The following FBXW10B variants were observed in gnomAD, a reference collection of about 807,000 sequenced individuals.
FBXW10B encodes the protein F-box and WD repeat domain containing 10B.
the FBXW10B span, chr17:15,605,228 A>AC: frequency 1.3e-6 from 2 of 1,593,408 alleles, no homozygotes; most frequent in Non-Finnish European, 1.7e-6. Context: ...CTCACCTGAT[A>AC]CTTAGGTCAT....
the FBXW10B span, among the ~76,000 whole-genome samples, chr17:15,588,189 G>C: frequency 6.6e-6 from 1 of 152,232 alleles, no homozygotes; most frequent in Non-Finnish European, 1.5e-5. Context: ...GTGTCCATAA[G>C]TCACGTTACG....
chr17:15,577,132 G>A, the FBXW10B span, among the ~76,000 whole-genome samples: 1 of 151,434 alleles, frequency 6.6e-6, no homozygotes, highest in South Asian at 2.1e-4. Flanking sequence ...TATTGCTAAT[G>A]TAATAAGAAC....
chr17:15,609,088 C>T, the FBXW10B span, among the ~76,000 whole-genome samples: 1 of 147,544 alleles, frequency 6.8e-6, no homozygotes, highest in South Asian at 2.3e-4. Context: ...CATTTATATT[C>T]CCTGCCATAT....
chr17:15,607,629 T>C, the FBXW10B span: 1 of 1,613,798 alleles, frequency 6.2e-7, no homozygotes, highest in South Asian at 1.1e-5. Flanking sequence ...CTCTCCTCCA[T>C]CAGGACCTGC....
chr17:15,595,817 G>C, the FBXW10B span, among the ~76,000 whole-genome samples: 2 of 151,894 alleles, frequency 1.3e-5, no homozygotes, highest in African/African-American at 4.8e-5. Flanking sequence ...CTCTTCATTA[G>C]AGAGCATGGA....
the FBXW10B span, among the ~76,000 whole-genome samples, chr17:15,575,566 C>G: frequency 4.7e-5 from 7 of 147,500 alleles, no homozygotes; most frequent in Non-Finnish European, 7.3e-5. Flanking sequence ...TTTCTCTGTA[C>G]TTTCACTGCA....
the FBXW10B span, among the ~76,000 whole-genome samples, chr17:15,567,097 C>G: frequency 6.6e-6 from 1 of 150,876 alleles, no homozygotes; most frequent in Admixed American, 6.6e-5. Flanking sequence ...CGGTGAAACC[C>G]CGCCTCTACT....
At chr17:15,612,827 GA>G in the FBXW10B span, 1 of 1,593,996 alleles carries the variant, frequency 6.3e-7, no homozygotes, top group South Asian at 1.1e-5. Context: ...AGGACCCCTG[GA>G]AAAACAAAAA....
the FBXW10B span, chr17:15,615,559 T>G: frequency 6.4e-7 from 1 of 1,569,164 alleles, no homozygotes; most frequent in Non-Finnish European, 8.7e-7. Flanking sequence ...ATGATCTGCT[T>G]GCCTCGGCCT....
chr17:15,569,687 G>A, the FBXW10B span, among the ~76,000 whole-genome samples: 6 of 151,302 alleles, frequency 4.0e-5, no homozygotes, highest in Non-Finnish European at 7.4e-5. Flanking sequence ...CTCCTGCCTC[G>A]GCCTCCTAAA....
the FBXW10B span, among the ~76,000 whole-genome samples, chr17:15,590,354 T>G: frequency 5.7e-4 from 85 of 148,342 alleles, no homozygotes; most frequent in Non-Finnish European, 6.5e-4. Flanking sequence ...AGATTTTGTT[T>G]GGTTTGTAAG....
chr17:15,612,789 G>A, the FBXW10B span: 1 of 1,613,570 alleles, frequency 6.2e-7, no homozygotes, highest in African/African-American at 1.3e-5. Flanking sequence ...AACCTTATTG[G>A]CATAATTAGG....
At chr17:15,589,419 T>C in the FBXW10B span, 4 of 273,242 alleles carry the variant, frequency 1.5e-5, no homozygotes, top group African/African-American at 9.2e-5. Flanking sequence ...AACGAATTCA[T>C]GGGGCGGGGA....
the FBXW10B span, among the ~76,000 whole-genome samples, chr17:15,582,434 A>T: frequency 7.4e-6 from 1 of 134,906 alleles, no homozygotes; most frequent in East Asian, 1.9e-4. Flanking sequence ...TATAACCATG[A>T]TATTTAAAGA....
chr17:15,607,596 T>C, the FBXW10B span: 1 of 1,613,766 alleles, frequency 6.2e-7, no homozygotes, highest in Non-Finnish European at 8.5e-7. Context: ...ATGCGAACAT[T>C]GTAGGTCCCA....
At chr17:15,593,591 A>G in the FBXW10B span, 6 of 1,455,106 alleles carry the variant, frequency 4.1e-6, no homozygotes, top group Non-Finnish European at 5.5e-6. Flanking sequence ...ATTGAGCGGC[A>G]CTGGCCATAA....
At chr17:15,591,238 ATT>A in the FBXW10B span, among the ~76,000 whole-genome samples, 1 of 152,176 alleles carries the variant, frequency 6.6e-6, no homozygotes, top group African/African-American at 2.4e-5. Flanking sequence ...AAGAGCCCTT[ATT>A]TGTTTAAGGA....
At chr17:15,601,937 C>T in the FBXW10B span, among the ~76,000 whole-genome samples, 37 of 152,082 alleles carry the variant, frequency 2.4e-4, no homozygotes, top group East Asian at 6.2e-3. Context: ...ACAGAGAAAC[C>T]TTGTCTCTAC....
At chr17:15,586,866 A>G in the FBXW10B span, among the ~76,000 whole-genome samples, 1 of 151,628 alleles carries the variant, frequency 6.6e-6, no homozygotes, top group African/African-American at 2.4e-5. Flanking sequence ...TAAAAACAAA[A>G]GTGGAGGGTT....
Sources: gnomAD v4.1 joint callset for allele counts (sites outside exome capture counted in the v4.1 genomes callset) on GRCh38, gnomAD v4.1.1 for gene constraint, MANE v1.5 for transcripts, NCBI Gene and HGNC (gene_info 2026-07-23, HGNC 2026-07-21) for gene names.